SEC24B: variants seen among roughly 807,000 people sequenced by gnomAD.
SEC24B encodes the protein SEC24 homolog B, COPII component.
A neutral mutation model predicts 142.8 loss-of-function variants in SEC24B; 45 were observed. That is an observed-to-expected ratio of 0.32 (90% confidence interval 0.25 to 0.40). The LOEUF (loss-of-function observed/expected upper bound fraction) is 0.40, where lower values mean the gene tolerates loss of function less well. SEC24B is among the 10% of genes least tolerant of loss of function. The pLI, the probability that SEC24B is intolerant of heterozygous loss-of-function variation, is 1.00. For synonymous variants in SEC24B, 574 were observed against 568.2 expected (o/e 1.01, Z -0.15); for missense variants, 1,409 against 1,526.8 (o/e 0.92, Z 1.29).
chr4:109,453,048 T>C (rs1477841184), intron 1 of SEC24B, among the ~76,000 whole-genome samples: 3 of 152,140 alleles, frequency 2.0e-5, no homozygotes, highest in Non-Finnish European at 4.4e-5. Context: ...AGACATCACA[T>C]GTCGGCAGGT....
chr4:109,473,056 C>G lies in SEC24B; in HGVS notation c.930C>G (p.Ser310=). 1 of 1,596,282 alleles carries G rather than the reference C, an allele frequency of 6.3e-7. No individual in the cohort carries two copies. Among genetic ancestry groups the G allele is most frequent in the Non-Finnish European group, 8.5e-7 (1 of 1,171,624 alleles). ...PVMQNVQPPK[S]SPVVSTVLSG... ...TGCAAAATGTTCAGCCTCCCAAGTC[C>G]AGCCCAGTGGTATCCACTGTTTTAT... Residue 310 remains serine, a synonymous_variant, in exon 3 of 24, where the codon TCC becomes TCG. Transcript: ENST00000265175.
In SEC24B at chr4:109,491,406, A is replaced by G. The variant is rs1197830491; in HGVS notation, c.1245A>G (p.Pro415=). The G allele has an allele frequency of 6.8e-6, 11 of 1,611,334 alleles. No individual in the cohort carries two copies. The highest frequency in any genetic ancestry group is 9.3e-6 in the Non-Finnish European group (11 of 1,177,634). Reference sequence around the variant, plus strand: ...ATGCCCTGGAAGGAGGCAGTTACCCAGGTAATTTGTTTTGTGCTTGCTTGA... The same window carrying G: ...ATGCCCTGGAAGGAGGCAGTTACCCGGGTAATTTGTTTTGTGCTTGCTTGA... ...SYDALEGGSY[P]DMLSSSASSP... is the part of the protein sequence containing the mutation. The change falls in exon 5 of 24, where the codon CCA becomes CCG. Residue 415 remains proline, a splice_region_variant and synonymous_variant. Transcript: ENST00000265175.
At position 109,491,397 on chromosome 4, in the gene SEC24B, C is replaced by G; in HGVS notation, c.1236C>G (p.Gly412=). The G allele has an allele frequency of 6.2e-7, 1 of 1,611,876 alleles. No individual in the cohort carries two copies. The highest frequency in any genetic ancestry group is 1.3e-5 in the African/African-American group (1 of 75,018). The part of the protein sequence containing the change: ...MPNSYDALEG[G]SYPDMLSSSA... Reference sequence around the variant, plus strand: ...ACAGTTATGATGCCCTGGAAGGAGGCAGTTACCCAGGTAATTTGTTTTGTG... The same window carrying G: ...ACAGTTATGATGCCCTGGAAGGAGGGAGTTACCCAGGTAATTTGTTTTGTG... The change falls in exon 5 of 24, where the codon GGC becomes GGG. Residue 412 remains glycine, a synonymous_variant. Transcript: ENST00000265175.
intron 1 of SEC24B, among the ~76,000 whole-genome samples, chr4:109,459,535 G>A (rs898666110): frequency 6.6e-6 from 1 of 151,944 alleles, no homozygotes; most frequent in Non-Finnish European, 1.5e-5. Flanking sequence ...GAACATTTAG[G>A]TCTTGATATA....
At chr4:109,434,189 C>T (rs1728153234) in intron 1 of SEC24B, among the ~76,000 whole-genome samples, 187 bp downstream of exon 1, 1 of 150,476 alleles carries the variant, frequency 6.6e-6, no homozygotes, top group Admixed American at 6.6e-5. Context: ...GCAGGGAAGG[C>T]ACGGCGCGGG....
At chr4:109,530,940 G>A (rs1462346062) in intron 19 of SEC24B, among the ~76,000 whole-genome samples, 7 of 143,578 alleles carry the variant, frequency 4.9e-5, no homozygotes, top group African/African-American at 1.5e-4. Context: ...AGTGGAAAAT[G>A]AAGGTATACA....
chr4:109,475,221 T>A (rs1320082061), intron 3 of SEC24B, among the ~76,000 whole-genome samples: 2 of 152,230 alleles, frequency 1.3e-5, no homozygotes, highest in African/African-American at 4.8e-5. Context: ...TCCTTTTTCA[T>A]AAGTAGGAGA....
chr4:109,481,832 T>G, intron 4 of SEC24B, 51 bp downstream of exon 4: 1 of 1,411,034 alleles, frequency 7.1e-7, no homozygotes, highest in Non-Finnish European at 9.9e-7. Flanking sequence ...TCAAGTTTTC[T>G]TTTTGTTTCC....
intron 1 of SEC24B, among the ~76,000 whole-genome samples, chr4:109,448,394 G>A (rs1343993657): frequency 6.6e-6 from 1 of 152,034 alleles, no homozygotes; most frequent in Non-Finnish European, 1.5e-5. Context: ...TTTTTCTACT[G>A]ATGTATTAAA....
intron 21 of SEC24B, 44 bp downstream of exon 21, chr4:109,532,787 C>A: frequency 1.0e-6 from 1 of 990,908 alleles, no homozygotes; most frequent in Non-Finnish European, 1.6e-6. Context: ...TTTGAGCTGA[C>A]CAAAAACAAA....
At position 109,463,475 on chromosome 4, in the gene SEC24B, T is replaced by C; in HGVS notation, c.708T>C (p.His236=). 6.2e-7 allele frequency: 1 copy of C among 1,614,176 alleles called. No homozygotes were observed. The highest frequency in any genetic ancestry group is 8.5e-7 in the Non-Finnish European group (1 of 1,180,038). Residue 236 remains histidine, a synonymous_variant, in exon 2 of 24, where the codon CAT becomes CAC. Transcript: ENST00000265175. ...CTGGTCAAAATACAGCTATCAGCCATCCATCGCCACTTCCACCTCTACCAT... is the reference window on the plus strand; with the variant it reads ...CTGGTCAAAATACAGCTATCAGCCACCCATCGCCACTTCCACCTCTACCAT... ...SFSGQNTAIS[H]PSPLPPLPSQ... is the part of the protein sequence containing the mutation.
intron 22 of SEC24B, among the ~76,000 whole-genome samples, 184 bp downstream of exon 22, chr4:109,533,869 A>G (rs1725197999): frequency 6.6e-6 from 1 of 152,076 alleles, no homozygotes; most frequent in Non-Finnish European, 1.5e-5. Flanking sequence ...AGAACCCCAT[A>G]TCTCCCAATT....
rs763691630 is a variant in SEC24B at position 109,521,110 on chromosome 4, C to T, written c.2246-7C>T. 3 of 1,482,148 alleles carry T rather than the reference C, an allele frequency of 2.0e-6. No homozygotes were observed. The highest frequency in any genetic ancestry group is 2.3e-5 in the South Asian group (2 of 85,450). The allele number at this position is 1,482,148 out of a possible 1,614,324, so 91.8% of individuals were successfully genotyped here. ...TTTGTTGATTAAAATATGTGTTTTC[C>T]CTATAGATGTTTTTCTACCTACACC... On this transcript the variant is annotated splice_polypyrimidine_tract_variant and splice_region_variant and intron_variant, in intron 12 of 23. Transcript: ENST00000265175.
At chr4:109,522,556 G>A (rs1723759887) in intron 14 of SEC24B, among the ~76,000 whole-genome samples, 2 of 152,156 alleles carry the variant, frequency 1.3e-5, no homozygotes, top group African/African-American at 2.4e-5. Context: ...TTTCTATTAC[G>A]TAAGTGGTAA....
At chr4:109,508,144 CAG>C (rs1352730046) in intron 7 of SEC24B, among the ~76,000 whole-genome samples, 15 of 152,148 alleles carry the variant, frequency 9.9e-5, no homozygotes, top group African/African-American at 3.6e-4. Flanking sequence ...CGTAAAAATA[CAG>C]AGTGTCATGG....
chr4:109,491,932 G>GA (rs1320291109), intron 5 of SEC24B, among the ~76,000 whole-genome samples: 3 of 151,966 alleles, frequency 2.0e-5, no homozygotes, highest in Admixed American at 6.6e-5. Context: ...AGTATTGAAA[G>GA]AAAAAACTAT....
chr4:109,487,970 G>C (rs1467175704), intron 4 of SEC24B, among the ~76,000 whole-genome samples: 3 of 151,988 alleles, frequency 2.0e-5, no homozygotes, highest in African/African-American at 7.2e-5. Flanking sequence ...CTGAGTAGTA[G>C]TATGTTCTTT....
chr4:109,521,338 C>CATG, intron 13 of SEC24B, 82 bp from the exon 14 acceptor site: 1 of 1,231,176 alleles, frequency 8.1e-7, no homozygotes, highest in Non-Finnish European at 1.2e-6. Flanking sequence ...TACAGTGACA[C>CATG]ATGATACACT....
intron 2 of SEC24B, among the ~76,000 whole-genome samples, chr4:109,465,222 G>A (rs963200943): frequency 2.0e-5 from 3 of 152,202 alleles, no homozygotes; most frequent in African/African-American, 7.2e-5. Context: ...TGACTTGGGT[G>A]AGTCAACTCA....
Sources: gnomAD v4.1 joint callset for allele counts (sites outside exome capture counted in the v4.1 genomes callset) on GRCh38, gnomAD v4.1.1 for gene constraint, MANE v1.5 for transcripts, NCBI Gene and HGNC (gene_info 2026-07-23, HGNC 2026-07-21) for gene names.